SP100: variants seen among roughly 807,000 people sequenced by gnomAD.
SP100 encodes nuclear autoantigen Sp-100.
A neutral mutation model predicts 130.0 loss-of-function variants in SP100; 84 were observed. That is an observed-to-expected ratio of 0.65 (90% CI 0.54 to 0.77). The LOEUF (loss-of-function observed/expected upper bound fraction) is 0.77. Among genes scored for constraint, SP100 ranks in the 30% least tolerant of loss-of-function variants. The pLI, the probability that SP100 is intolerant of heterozygous loss-of-function variation, is 0.00. For missense variants in SP100, 978 were observed against 1,052.2 expected (o/e 0.93, Z 0.97); for synonymous variants, 331 against 351.7 (o/e 0.94, Z 0.66).
At chr2:230,522,632 GTT>G (rs1380591028) in intron 24 of SP100, among the ~76,000 whole-genome samples, 1 of 151,416 alleles carries the variant, frequency 6.6e-6, no homozygotes, top group Non-Finnish European at 1.5e-5. Flanking sequence ...GGGACTACAG[GTT>G]CACACCACCA....
At chr2:230,542,110 T>C in intron 28 of SP100, 75 bp downstream of exon 28, 1 of 1,487,284 alleles carries the variant, frequency 6.7e-7, no homozygotes. Flanking sequence ...CATCTTTTCA[T>C]GTCAGGTAAA....
chr2:230,483,084 A>G (rs186327895), intron 17 of SP100, among the ~76,000 whole-genome samples: 38 of 152,264 alleles, frequency 2.5e-4, no homozygotes, highest in Middle Eastern at 3.4e-3. Flanking sequence ...CTTATTTCCA[A>G]TGTTGCTCAA....
chr2:230,450,298 C>A, intron 8 of SP100, 43 bp downstream of exon 8: 1 of 1,454,752 alleles, frequency 6.9e-7, no homozygotes, highest in Non-Finnish European at 9.6e-7. Context: ...CTTTCTTATT[C>A]AGATGCTATA....
Position 230,541,315 on chromosome 2 carries a change from C to T in SP100, c.2346C>T (p.Leu782=), listed in dbSNP as rs1692167723. 1 of 1,613,888 alleles carries T rather than the reference C, an allele frequency of 6.2e-7. No individual in the cohort carries two copies. The change falls in exon 27 of 29, where the codon CTC becomes CTT. Residue 782 remains leucine (L), a synonymous_variant. Transcript: ENST00000340126. ...LPEEQLKCEF[L]LLKVYCDSKS... is the part of the protein sequence containing the mutation. Reference sequence around the variant, plus strand: ...ATCTTTTGCAGAAATGTGAATTCCTCCTCTTGAAGGTCTACTGTGATTCGA... The same window carrying T: ...ATCTTTTGCAGAAATGTGAATTCCTTCTCTTGAAGGTCTACTGTGATTCGA...
At chr2:230,452,371 T>G (rs1440573600) in intron 8 of SP100, among the ~76,000 whole-genome samples, 1 of 152,078 alleles carries the variant, frequency 6.6e-6, no homozygotes, top group Non-Finnish European at 1.5e-5. Context: ...GAGACAAGGT[T>G]TCACCATGTT....
intron 20 of SP100, among the ~76,000 whole-genome samples, chr2:230,503,662 C>G (rs1398387551): frequency 5.3e-5 from 8 of 152,120 alleles, no homozygotes; most frequent in Admixed American, 4.6e-4. Context: ...TAGAACCCCC[C>G]ACACCAAGCT....
At position 230,470,057 on chromosome 2, in the gene SP100, A is replaced by G. The variant is rs1384466369; in HGVS notation, c.1388A>G (p.Glu463Gly). ...SDFSDLSNGE[E>G]LQETCSSSLR... ...TTTTCAGACCTGAGTAATGGAGAAG[A>G]GCTTCAGGAAACCTGCAGCTCATCC... Residue 463 changes from glutamate (E) to glycine (G), a missense_variant, in exon 15 of 29, where the codon GAG (glutamate) becomes GGG (glycine). Transcript: ENST00000340126. 6.2e-7 allele frequency: 1 copy of G among 1,612,438 alleles called. No individual in the cohort carries two copies. The highest frequency in any genetic ancestry group is 8.5e-7 in the Non-Finnish European group (1 of 1,179,116).
At chr2:230,540,557 C>T (rs1323961688) in intron 25 of SP100, among the ~76,000 whole-genome samples, 3 of 152,186 alleles carry the variant, frequency 2.0e-5, no homozygotes, top group African/African-American at 4.8e-5. Flanking sequence ...GTACTCATTT[C>T]CATTAACTGT....
chr2:230,488,011 C>G (rs2066196682), intron 17 of SP100, among the ~76,000 whole-genome samples: 3 of 152,114 alleles, frequency 2.0e-5, no homozygotes, highest in Non-Finnish European at 4.4e-5. Flanking sequence ...TAAAGGAATG[C>G]TTGTGATTTT....
At chr2:230,452,560 A>G (rs1413401476) in intron 8 of SP100, among the ~76,000 whole-genome samples, 7 of 152,124 alleles carry the variant, frequency 4.6e-5, no homozygotes, top group Non-Finnish European at 1.5e-5. Context: ...AATTCCTCCA[A>G]TCCATGAACA....
chr2:230,458,540 T>TGGTATCCATACATTG (rs989494453), intron 8 of SP100, among the ~76,000 whole-genome samples: 1 of 152,202 alleles, frequency 6.6e-6, no homozygotes, highest in Non-Finnish European at 1.5e-5. Context: ...TAAAGTGACA[T>TGGTATCCATACATTG]GGTATCCATA....
intron 11 of SP100, 118 bp from the exon 12 acceptor site, chr2:230,466,183 T>TGAAA: frequency 4.4e-6 from 1 of 229,646 alleles, no homozygotes. Flanking sequence ...AGACTCCATC[T>TGAAA]CAAAAAAAAA....
intron 17 of SP100, among the ~76,000 whole-genome samples, chr2:230,489,018 G>C (rs960205872): frequency 2.0e-5 from 3 of 152,128 alleles, no homozygotes; most frequent in African/African-American, 7.2e-5. Context: ...TTTGGTATCA[G>C]GATGATGCTG....
At chr2:230,425,937 G>A (rs1482149166) in intron 2 of SP100, among the ~76,000 whole-genome samples, 1 of 151,764 alleles carries the variant, frequency 6.6e-6, no homozygotes, top group Admixed American at 6.6e-5. Flanking sequence ...ACTCATTATT[G>A]GTCTGTTCAG....
At chr2:230,477,741 C>T (rs1004025678) in intron 17 of SP100, among the ~76,000 whole-genome samples, 1 of 152,154 alleles carries the variant, frequency 6.6e-6, no homozygotes, top group Non-Finnish European at 1.5e-5. Context: ...TCTCTCCCAA[C>T]TCCTTCCCAA....
At chr2:230,541,167 C>G in intron 26 of SP100, 134 bp from the exon 27 acceptor site, 1 of 1,209,758 alleles carries the variant, frequency 8.3e-7, no homozygotes, top group Non-Finnish European at 1.2e-6. Flanking sequence ...AAATCCCGGT[C>G]CAAAGAAACT....
chr2:230,497,532 G>C (rs1575746375), intron 18 of SP100, among the ~76,000 whole-genome samples: 2 of 62,962 alleles, frequency 3.2e-5, no homozygotes, highest in East Asian at 8.1e-4. Flanking sequence ...GAGAGGAGAG[G>C]AGAGGAGAGG....
chr2:230,434,985 T>TA (rs2063208395), intron 2 of SP100, among the ~76,000 whole-genome samples: 1 of 152,238 alleles, frequency 6.6e-6, no homozygotes, highest in Admixed American at 6.5e-5. Flanking sequence ...TTCTTGTTTT[T>TA]ATAAGATGGA....
chr2:230,528,687 T>C (rs1383156706), intron 24 of SP100, among the ~76,000 whole-genome samples: 1 of 151,882 alleles, frequency 6.6e-6, no homozygotes, highest in Non-Finnish European at 1.5e-5. Flanking sequence ...CTAGCAAGAC[T>C]AGTAAAGAAG....
Sources: allele counts gnomAD v4.1 joint callset (sites outside exome capture counted in the v4.1 genomes callset), GRCh38; gene constraint gnomAD v4.1.1; transcripts MANE v1.5; gene names NCBI Gene and HGNC (gene_info 2026-07-23, HGNC 2026-07-21).